The following ADAM19 variants were observed in gnomAD, a reference collection of about 807,000 sequenced individuals.
The protein encoded by ADAM19 is disintegrin and metalloproteinase domain-containing protein 19.
ADAM19 carries 65 observed loss-of-function variants against 114.7 expected under a neutral mutation model. The ratio of observed to expected loss-of-function variants is 0.57; its 90% CI spans 0.46 to 0.70. ADAM19 has a LOEUF of 0.70. Ranked by LOEUF, ADAM19 falls within the 30% of genes least tolerant of loss-of-function variation. The pLI is 0.00. For synonymous variants in ADAM19, 466 were observed against 460.5 expected, an observed-to-expected ratio of 1.01 and a Z score of -0.15; for missense variants, 1,063 against 1,204.7, an observed-to-expected ratio of 0.88 and a Z score of 1.74.
In ADAM19 at chr5:157,492,009, T is replaced by C. The variant is rs891574170; in HGVS notation, c.1909-97A>G. 39 of 1,162,806 alleles carry C rather than the reference T, an allele frequency of 3.4e-5. 1 individual carries two copies. Among genetic ancestry groups the C allele is most frequent in the Admixed American group, 2.1e-4 (11 of 53,416 alleles). The allele number at this position is 1,162,806 out of a possible 1,614,324, so 72.0% of individuals were successfully genotyped here. A position where few individuals can be genotyped will look rare whatever the true frequency, so the allele number is the denominator to read the frequency against. The stretch of plus-strand genomic sequence containing the variant: ...TGCACTTGGAACATATGAGGACCCA[T>C]GGCCCGGCCTGGTGGCTCACGCCTG... On this transcript the variant is annotated intron_variant, in intron 16 of 22. Coordinates refer to ENST00000257527, the MANE Select transcript of ADAM19 (RefSeq NM_033274.5).
Position 157,496,963 on chromosome 5 carries a change from C to G in ADAM19, c.1525G>C (p.Gly509Arg). 1.9e-6 allele frequency: 3 copies of G among 1,598,126 alleles called. No homozygotes were observed. The highest frequency in any genetic ancestry group is 1.1e-5 in the South Asian group (1 of 88,558). Residue 509 changes from glycine (G) to arginine (R), a missense_variant, in exon 14 of 23, where the codon GGC (glycine) becomes CGC (arginine). Gly to Arg is a moderately radical substitution (Grantham distance 125). Coordinates refer to ENST00000257527, the MANE Select transcript of ADAM19 (RefSeq NM_033274.5). ...YQMDGTPCEG[G>R]QAYCYNGMCL... ...ATGCCGTTGTAGCAGTAGGCCTGGCCGCCCTCACAGGGGGTACCATCCATC... is the reference window on the plus strand; with the variant it reads ...ATGCCGTTGTAGCAGTAGGCCTGGCGGCCCTCACAGGGGGTACCATCCATC...
Position 157,564,393 on chromosome 5 carries a change from G to A in ADAM19, c.231C>T (p.Ile77=), listed in dbSNP as rs748932309. 4.3e-6 allele frequency: 7 copies of A among 1,614,144 alleles called. No individual in the cohort carries two copies. In the South Asian group the frequency reaches 6.6e-5, roughly 15 times the overall value. Reference sequence around the variant, plus strand: ...CTTACTCATTCTTCTCCAGGTCCAGGATCAGTTCTCGCCCCTCAGCCATTA... The same window carrying A: ...CTTACTCATTCTTCTCCAGGTCCAGAATCAGTTCTCGCCCCTCAGCCATTA... ...LRVMAEGREL[I]LDLEKNEQLF... is the part of the protein sequence containing the mutation. Residue 77 remains isoleucine (I), a synonymous_variant, in exon 3 of 23, where the codon ATC becomes ATT. Coordinates refer to ENST00000257527, the MANE Select transcript of ADAM19 (RefSeq NM_033274.5).
In ADAM19 at chr5:157,480,170, A is replaced by G. The variant is rs1367855669; in HGVS notation, c.*779T>C. Reference sequence around the variant, plus strand: ...GGAAGAGAGAAAAGCGTGGGGCACCAGGAAAGTGCGGCAGAGAAAACAAAG... The same window carrying G: ...GGAAGAGAGAAAAGCGTGGGGCACCGGGAAAGTGCGGCAGAGAAAACAAAG... On this transcript the variant is annotated 3_prime_UTR_variant, in exon 23 of 23. Coordinates refer to ENST00000257527, the MANE Select transcript of ADAM19 (RefSeq NM_033274.5). 3 of 986,140 alleles carry G rather than the reference A, an allele frequency of 3.0e-6. No individual in the cohort carries two copies. The highest frequency in any genetic ancestry group is 3.6e-6 in the Non-Finnish European group (3 of 830,138). 61.1% of individuals were successfully genotyped at this position (986,140 alleles called of 1,614,324 possible). A position where few individuals can be genotyped will look rare whatever the true frequency, so the allele number is the denominator to read the frequency against.
In ADAM19 at chr5:157,480,269, G is replaced by A; in HGVS notation, c.*680C>T. On this transcript the variant is annotated 3_prime_UTR_variant, in exon 23 of 23. Coordinates refer to ENST00000257527, the MANE Select transcript of ADAM19 (RefSeq NM_033274.5). ...GGCTCAGAGGAAGCCCAAGCCCGGT[G>A]CTCCTCCTGCTGTCTACACTGCCTA... 2 of 985,872 alleles carry A rather than the reference G, an allele frequency of 2.0e-6. No homozygotes were observed. Among genetic ancestry groups the A allele is most frequent in the Non-Finnish European group, 2.4e-6 (2 of 830,006 alleles). 61.1% of individuals were successfully genotyped at this position (985,872 alleles called of 1,614,324 possible).
intron 4 of ADAM19, among the ~76,000 whole-genome samples, chr5:157,535,862 C>T (rs1756748563): frequency 6.6e-6 from 1 of 152,212 alleles, no homozygotes; most frequent in Non-Finnish European, 1.5e-5. Context: ...GTGGCAGGAT[C>T]CAAACTCAGA....
intron 3 of ADAM19, among the ~76,000 whole-genome samples, chr5:157,561,161 T>C (rs1377056807): frequency 6.6e-6 from 1 of 152,232 alleles, no homozygotes; most frequent in African/African-American, 2.4e-5. Context: ...CTCACGGATG[T>C]CATCCGTGAG....
chr5:157,520,786 C>A (rs1414935688), intron 5 of ADAM19, among the ~76,000 whole-genome samples: 2 of 152,210 alleles, frequency 1.3e-5, no homozygotes, highest in East Asian at 3.8e-4. Flanking sequence ...TGACATCCAC[C>A]ACCAAGCATG....
intron 2 of ADAM19, among the ~76,000 whole-genome samples, chr5:157,569,625 G>A (rs1757769471): frequency 6.6e-6 from 1 of 151,836 alleles, no homozygotes; most frequent in African/African-American, 2.4e-5. Flanking sequence ...GGACATGTCT[G>A]TATTATCCTG....
intron 22 of ADAM19, 129 bp downstream of exon 22, chr5:157,481,662 T>C (rs956511088): frequency 1.3e-6 from 2 of 1,551,620 alleles, no homozygotes; most frequent in Non-Finnish European, 1.7e-6. Context: ...GTTTTGCCCT[T>C]GGCTTTTGTT....
At chr5:157,508,438 G>T (rs1755814320) in intron 9 of ADAM19, among the ~76,000 whole-genome samples, 1 of 152,076 alleles carries the variant, frequency 6.6e-6, no homozygotes, top group African/African-American at 2.4e-5. Context: ...GCAAAATCCT[G>T]TCTCTATTAA....
intron 2 of ADAM19, 62 bp from the exon 3 acceptor site, chr5:157,564,505 G>T: frequency 1.4e-6 from 2 of 1,430,386 alleles, no homozygotes; most frequent in Non-Finnish European, 9.9e-7. Flanking sequence ...CCTGGGTCGG[G>T]CACAGGATCT....
chr5:157,485,516 A>C (rs1215731779), intron 21 of ADAM19, among the ~76,000 whole-genome samples: 2 of 152,216 alleles, frequency 1.3e-5, no homozygotes, highest in African/African-American at 2.4e-5. Context: ...AGAAAATTGC[A>C]TCATGTCACC....
At chr5:157,572,375 C>T (rs1757855760) in intron 1 of ADAM19, 1 of 415,822 alleles carries the variant, frequency 2.4e-6, no homozygotes, top group East Asian at 7.3e-5. Context: ...ACTATCTTAA[C>T]AAAATGGTAA....
intron 3 of ADAM19, among the ~76,000 whole-genome samples, chr5:157,552,183 G>A (rs1757218337): frequency 6.6e-6 from 1 of 151,872 alleles, no homozygotes; most frequent in Admixed American, 6.6e-5. Flanking sequence ...AAAAAAAACC[G>A]CAATGAGATA....
chr5:157,525,998 T>C (rs1454601811), intron 5 of ADAM19, among the ~76,000 whole-genome samples: 1 of 152,160 alleles, frequency 6.6e-6, no homozygotes, highest in African/African-American at 2.4e-5. Flanking sequence ...AGACTTTCTA[T>C]ATAATGAAAC....
chr5:157,537,839 G>GC lies in ADAM19; in HGVS notation c.330+73dup. ...TCAGAGGAGAGACCAACTCCATCAG[G>GC]CATCTCCTGAGGTCCTAGGAGTAGG... On this transcript the variant is annotated intron_variant, in intron 4 of 22. Coordinates refer to ENST00000257527, the MANE Select transcript of ADAM19 (RefSeq NM_033274.5). 4 of 1,344,644 alleles carry GC rather than the reference G, an allele frequency of 3.0e-6. No homozygotes were observed. The South Asian group carries it at 4.8e-5, about 16-fold the overall frequency. The allele number at this position is 1,344,644 out of a possible 1,614,324, so 83.3% of individuals were successfully genotyped here.
intron 13 of ADAM19, among the ~76,000 whole-genome samples, chr5:157,497,644 G>A (rs1374357232): frequency 6.6e-6 from 1 of 151,768 alleles, no homozygotes; most frequent in Non-Finnish European, 1.5e-5. Context: ...AAGCACCTCA[G>A]CAATAATATA....
At chr5:157,501,311 C>T (rs190043510) in intron 12 of ADAM19, among the ~76,000 whole-genome samples, 1 of 152,268 alleles carries the variant, frequency 6.6e-6, no homozygotes, top group East Asian at 1.9e-4. Context: ...CTCCAGGTCA[C>T]CTCCCACACA....
chr5:157,498,058 G>C (rs1385122218), intron 13 of ADAM19, among the ~76,000 whole-genome samples: 1 of 152,182 alleles, frequency 6.6e-6, no homozygotes, highest in East Asian at 1.9e-4. Flanking sequence ...CCTCCCAGGG[G>C]GACGCACAGC....
Sources: allele counts gnomAD v4.1 joint callset (sites outside exome capture counted in the v4.1 genomes callset), GRCh38; gene constraint gnomAD v4.1.1; transcripts MANE v1.5; gene names NCBI Gene and HGNC (gene_info 2026-07-23, HGNC 2026-07-21).